The following ZBTB20 variants were observed in gnomAD, a reference collection of about 807,000 sequenced individuals.
The protein encoded by ZBTB20 is zinc finger and BTB domain-containing protein 20.
Under a neutral mutation model 56.9 loss-of-function variants are expected in ZBTB20, and 9 were observed. The ratio of observed to expected loss-of-function variants is 0.16; its 90% CI spans 0.10 to 0.28. The LOEUF is 0.28. Among genes scored for constraint, ZBTB20 ranks in the 10% least tolerant of loss-of-function variants. ZBTB20 has a pLI of 1.00. For missense variants in ZBTB20, 655 were observed against 1,003.0 expected (o/e 0.65, Z 4.69); for synonymous variants, 417 against 420.7 (o/e 0.99, Z 0.11).
chr3:114,575,007 G>A (rs1248676785), intron 6 of ZBTB20, among the ~76,000 whole-genome samples: 1 of 152,216 alleles, frequency 6.6e-6, no homozygotes, highest in South Asian at 2.1e-4. Context: ...ACTGGAAAGG[G>A]CTTTAAAGTA....
At chr3:114,593,407 G>T (rs1262993673) in intron 6 of ZBTB20, among the ~76,000 whole-genome samples, 3 of 144,308 alleles carry the variant, frequency 2.1e-5, no homozygotes, top group African/African-American at 5.2e-5. Flanking sequence ...TTTTTGAGAC[G>T]GAGTGTCGCT....
chr3:114,643,075 T>G (rs939238127), intron 6 of ZBTB20, among the ~76,000 whole-genome samples: 3 of 152,132 alleles, frequency 2.0e-5, no homozygotes, highest in African/African-American at 7.2e-5. Flanking sequence ...GTAACATTAT[T>G]AATCACCCCT....
chr3:115,091,447 T>C (rs973590818), intron 1 of ZBTB20, among the ~76,000 whole-genome samples: 1 of 152,026 alleles, frequency 6.6e-6, no homozygotes, highest in Non-Finnish European at 1.5e-5. Flanking sequence ...TAATAGCAAA[T>C]TTGTTGTAAA....
chr3:114,775,920 A>G (rs979036340), intron 5 of ZBTB20, among the ~76,000 whole-genome samples: 1 of 152,128 alleles, frequency 6.6e-6, no homozygotes, highest in Non-Finnish European at 1.5e-5. Flanking sequence ...GGCCAAAGAA[A>G]TTATGTAAAA....
chr3:114,899,212 C>G (rs1409270061), intron 4 of ZBTB20, among the ~76,000 whole-genome samples: 1 of 152,016 alleles, frequency 6.6e-6, no homozygotes, highest in South Asian at 2.1e-4. Flanking sequence ...TTTTCTCTCT[C>G]ACTTCTACCC....
chr3:115,008,539 G>C (rs1217521539), intron 2 of ZBTB20, among the ~76,000 whole-genome samples: 1 of 151,920 alleles, frequency 6.6e-6, no homozygotes, highest in Non-Finnish European at 1.5e-5. Flanking sequence ...TTGAGAGATA[G>C]AAGGATCATT....
At chr3:114,530,951 GT>G (rs1032701419) in intron 6 of ZBTB20, among the ~76,000 whole-genome samples, 2 of 151,956 alleles carry the variant, frequency 1.3e-5, no homozygotes, top group African/African-American at 4.8e-5. Flanking sequence ...ATTTCCTAGT[GT>G]TCTGCTCTGA....
At chr3:114,354,096 T>C (rs2056657) in intron 10 of ZBTB20, among the ~76,000 whole-genome samples, 149,987 of 152,344 alleles carry the variant, frequency 0.98, 73,842 homozygotes, top group East Asian at 1. Context: ...GTGTGGCTTT[T>C]ATGTTTTTAG....
At chr3:114,683,240 C>A (rs17619661) in intron 6 of ZBTB20, among the ~76,000 whole-genome samples, 1 of 152,156 alleles carries the variant, frequency 6.6e-6, no homozygotes, top group East Asian at 1.9e-4. Context: ...GGTCACCATA[C>A]CCCAGAAAAA....
chr3:114,493,170 C>T (rs1370604440), intron 7 of ZBTB20, among the ~76,000 whole-genome samples: 2 of 152,170 alleles, frequency 1.3e-5, no homozygotes, highest in African/African-American at 4.8e-5. Flanking sequence ...ATGTAATACC[C>T]TTGTGATTAA....
chr3:114,619,132 G>A (rs1302982194), intron 6 of ZBTB20, among the ~76,000 whole-genome samples: 1 of 152,082 alleles, frequency 6.6e-6, no homozygotes, highest in African/African-American at 2.4e-5. Flanking sequence ...CAGGTTGTTT[G>A]GTGCCAGGTT....
chr3:114,972,666 A>T (rs13081503), intron 3 of ZBTB20, among the ~76,000 whole-genome samples: 1 of 152,220 alleles, frequency 6.6e-6, no homozygotes, highest in East Asian at 1.9e-4. Flanking sequence ...AACATATTTA[A>T]CAAAAATGGA....
intron 3 of ZBTB20, among the ~76,000 whole-genome samples, chr3:114,957,308 T>C (rs1285648734): frequency 1.3e-5 from 2 of 152,130 alleles, no homozygotes. Context: ...AAAGGAAAGT[T>C]AGGATAAGAT....
chr3:114,633,683 T>C (rs1164235936), intron 6 of ZBTB20, among the ~76,000 whole-genome samples: 4 of 152,160 alleles, frequency 2.6e-5, no homozygotes, highest in African/African-American at 9.7e-5. Context: ...ACTGTCCTTT[T>C]CTACTTGCAC....
At chr3:114,929,907 T>G (rs2076293737) in intron 3 of ZBTB20, among the ~76,000 whole-genome samples, 1 of 152,230 alleles carries the variant, frequency 6.6e-6, no homozygotes, top group African/African-American at 2.4e-5. Flanking sequence ...TTCACAAAAT[T>G]CTACAAACAT....
intron 6 of ZBTB20, chr3:114,527,239 G>C (rs1213758602): frequency 6.6e-6 from 1 of 152,284 alleles, no homozygotes; most frequent in African/African-American, 2.4e-5. Context: ...TAGATGGCAG[G>C]TCCAAAAATC....
Position 114,333,289 on chromosome 3 carries a change from A to T in ZBTB20, c.*5716T>A, listed in dbSNP as rs1344117299. ...ACGGAAAGCCCTTGGGAATATGAAA[A>T]TACTCTCTCTCAAGAGCAAGGGCTC... On this transcript the variant is annotated 3_prime_UTR_variant, in exon 12 of 12. Coordinates refer to ENST00000675478, the MANE Select transcript of ZBTB20 (RefSeq NM_001348800.3). 5 of 152,168 alleles carry T rather than the reference A, an allele frequency of 3.3e-5. No homozygotes were observed. The highest frequency in any genetic ancestry group is 7.2e-5 in the African/African-American group (3 of 41,418). The allele number at this position is 152,168 out of a possible 1,614,324, so 9.4% of individuals were successfully genotyped here. A position where few individuals can be genotyped will look rare whatever the true frequency, so the allele number is the denominator to read the frequency against.
chr3:114,793,578 TAA>T (rs1175317182), intron 5 of ZBTB20, among the ~76,000 whole-genome samples: 3 of 152,276 alleles, frequency 2.0e-5, no homozygotes, highest in Middle Eastern at 3.4e-3. Context: ...GATATAATTA[TAA>T]AGCCAACCTC....
intron 5 of ZBTB20, among the ~76,000 whole-genome samples, chr3:114,717,668 T>C (rs1356408909): frequency 1.3e-5 from 2 of 152,182 alleles, no homozygotes; most frequent in African/African-American, 2.4e-5. Flanking sequence ...CTTCCTTTCA[T>C]AACAAAATGT....
Sources: gnomAD v4.1 joint callset for allele counts (sites outside exome capture counted in the v4.1 genomes callset) on GRCh38, gnomAD v4.1.1 for gene constraint, MANE v1.5 for transcripts, NCBI Gene and HGNC (gene_info 2026-07-23, HGNC 2026-07-21) for gene names.